Variants in MTF1 observed in about 807,000 individuals in gnomAD.
MTF1 encodes metal regulatory transcription factor 1.
MTF1 carries 22 observed loss-of-function variants against 70.4 expected under a neutral mutation model. That is an observed-to-expected ratio of 0.31 (90% confidence interval 0.22 to 0.45). MTF1 has a LOEUF of 0.45. MTF1 is among the 20% of genes least tolerant of loss of function. The pLI is 1.00. For missense variants in MTF1, 649 were observed against 922.0 expected (o/e 0.70, Z 3.83); for synonymous variants, 333 against 352.8 (o/e 0.94, Z 0.63).
At position 37,832,046 on chromosome 1, in the gene MTF1, G is replaced by A. The variant is rs78352806; in HGVS notation, c.1068+199C>T. 6.8e-4 allele frequency among the ~76,000 whole-genome samples: 103 copies of A among 152,272 alleles called. No individual in the cohort carries two copies. In the East Asian group the frequency reaches 0.013, roughly 20 times the overall value. ...CCAGGTTACCGAGTGAGTGACCTGC[G>A]TCAAAAGGAATCAGGCATCAGAGAG... On this transcript the variant is annotated intron_variant, in intron 7 of 10. Transcript: ENST00000373036.
In MTF1 at chr1:37,822,597, G is replaced by C. The variant is rs769733959; in HGVS notation, c.1291C>G (p.Pro431Ala). 6.2e-7 allele frequency: 1 copy of C among 1,614,016 alleles called. No individual in the cohort carries two copies. Among genetic ancestry groups the C allele is most frequent in the Admixed American group, 1.7e-5 (1 of 60,006 alleles). Reference protein sequence around the residue: ...LVLQPGLSEPPQPLLPASAPS... With the variant: ...LVLQPGLSEPAQPLLPASAPS... ...GCTGAGGCAGGTAGTAGAGGCTGGG[G>C]TGGCTCGGAGAGGCCAGGTTGCAGT... Residue 431 changes from proline (P) to alanine (A), a missense_variant, in exon 9 of 11, where the codon CCC becomes GCC. This residue lies in a region of MTF1 where 267 missense variants were observed against 292.1 expected (regional missense o/e 0.91). Transcript: ENST00000373036.
At chr1:37,842,917 G>A (rs1178793234) in intron 2 of MTF1, among the ~76,000 whole-genome samples, 1 of 152,176 alleles carries the variant, frequency 6.6e-6, no homozygotes, top group Non-Finnish European at 1.5e-5. Context: ...GCGGACTACT[G>A]GGGTCAGGGT....
rs575539539 is a variant in MTF1 at position 37,813,786 on chromosome 1, T to C, written c.*1350A>G. 2 of 152,692 alleles carry C rather than the reference T, an allele frequency of 1.3e-5. No homozygotes were observed. Among genetic ancestry groups the C allele is most frequent in the African/African-American group, 4.8e-5 (2 of 41,588 alleles). The allele number at this position is 152,692 out of a possible 1,614,324, so 9.5% of individuals were successfully genotyped here. ...AAACTTTTCATGCTAGTATGGATTG[T>C]ATCTTTTATTTTAAGAGGCAATGAC... On this transcript the variant is annotated 3_prime_UTR_variant, in exon 11 of 11. Transcript: ENST00000373036.
intron 6 of MTF1, 112 bp from the exon 7 acceptor site, chr1:37,832,434 T>TGG: frequency 1.5e-6 from 1 of 682,062 alleles, no homozygotes; most frequent in Non-Finnish European, 2.5e-6. Context: ...TGTCTACATG[T>TGG]ATTATCTGAA....
At chr1:37,850,414 G>A (rs946471471) in intron 2 of MTF1, among the ~76,000 whole-genome samples, 2 of 151,798 alleles carry the variant, frequency 1.3e-5, no homozygotes, top group African/African-American at 4.8e-5. Flanking sequence ...AGTGAGCTAC[G>A]ATCCCACCAC....
At chr1:37,853,996 T>A in intron 2 of MTF1, among the ~76,000 whole-genome samples, 1 of 152,272 alleles carries the variant, frequency 6.6e-6, no homozygotes, top group Middle Eastern at 3.4e-3. Context: ...TAAAATTTCA[T>A]AGGGAGATAT....
intron 6 of MTF1, 66 bp downstream of exon 6, chr1:37,835,013 T>C: frequency 3.9e-6 from 6 of 1,544,466 alleles, no homozygotes; most frequent in Middle Eastern, 1.7e-4. Flanking sequence ...TAACCTTTGA[T>C]TGTGATACAC....
At chr1:37,846,577 G>A (rs1424019768) in intron 2 of MTF1, among the ~76,000 whole-genome samples, 1 of 152,058 alleles carries the variant, frequency 6.6e-6, no homozygotes, top group Non-Finnish European at 1.5e-5. Context: ...AGCTTTCAGA[G>A]AATTGATGCT....
At chr1:37,846,655 G>A (rs950711095) in intron 2 of MTF1, among the ~76,000 whole-genome samples, 1 of 152,058 alleles carries the variant, frequency 6.6e-6, no homozygotes, top group Non-Finnish European at 1.5e-5. Context: ...GCCTTGTTAA[G>A]ATAACAGAAT....
Position 37,811,033 on chromosome 1 carries a change from G to C in MTF1, c.*4103C>G. ...ACAAATCAATGGTTTCAATCACTCT[G>C]GAAAAGTCTTTAAGGACAATGGATG... On this transcript the variant is annotated 3_prime_UTR_variant, in exon 11 of 11. Transcript: ENST00000373036. The C allele has an allele frequency of 6.6e-6, 1 of 152,594 alleles. No homozygotes were observed. Among genetic ancestry groups the C allele is most frequent in the East Asian group, 1.9e-4 (1 of 5,202 alleles). The allele number at this position is 152,594 out of a possible 1,614,324, so 9.5% of individuals were successfully genotyped here.
At chr1:37,829,156 T>C (rs768690630) in intron 7 of MTF1, among the ~76,000 whole-genome samples, 9 of 151,780 alleles carry the variant, frequency 5.9e-5, no homozygotes. Flanking sequence ...CTTGCTCTGT[T>C]GCCCAGGCTG....
chr1:37,829,049 G>A (rs1333716603), intron 7 of MTF1, among the ~76,000 whole-genome samples: 2 of 152,104 alleles, frequency 1.3e-5, no homozygotes, highest in Non-Finnish European at 2.9e-5. Context: ...TATGGCTGCT[G>A]AGAAACCCAT....
At chr1:37,820,197 T>G (rs1640889860) in intron 9 of MTF1, among the ~76,000 whole-genome samples, 1 of 152,262 alleles carries the variant, frequency 6.6e-6, no homozygotes, top group East Asian at 1.9e-4. Context: ...GGAATTTGAG[T>G]GTTCTCCCTG....
At chr1:37,842,777 A>C (rs1439595686) in intron 2 of MTF1, among the ~76,000 whole-genome samples, 2 of 152,160 alleles carry the variant, frequency 1.3e-5, no homozygotes, top group Non-Finnish European at 2.9e-5. Flanking sequence ...ACCAGAGCTA[A>C]AGGAAAAAGG....
At chr1:37,830,479 T>C (rs1393832668) in intron 7 of MTF1, among the ~76,000 whole-genome samples, 1 of 152,212 alleles carries the variant, frequency 6.6e-6, no homozygotes, top group Non-Finnish European at 1.5e-5. Flanking sequence ...TCCTTGAGCA[T>C]ATAATAGCTT....
At position 37,840,963 on chromosome 1, in the gene MTF1, G is replaced by A; in HGVS notation, c.409-805C>T. ...GGCTGAGGCCATGGAGCTCTCAGAG[G>A]CAAGGCTGAGAACAAGGAGTGGATG... is the stretch of plus-strand genomic sequence containing the variant. On this transcript the variant is annotated intron_variant, in intron 2 of 10. Coordinates refer to ENST00000373036, the MANE Select transcript of MTF1 (RefSeq NM_005955.3). The surrounding 1 kb of genome is among the most constrained non-coding windows in gnomAD (Gnocchi z 4.5). The A allele has an allele frequency of 9.1e-6, 2 of 219,848 alleles. No homozygotes were observed. Among genetic ancestry groups the A allele is most frequent in the Non-Finnish European group, 1.8e-5 (2 of 110,020 alleles). The allele number at this position is 219,848 out of a possible 1,614,324, so 13.6% of individuals were successfully genotyped here.
intron 2 of MTF1, among the ~76,000 whole-genome samples, chr1:37,842,633 C>T (rs1641272865): frequency 6.6e-6 from 1 of 152,108 alleles, no homozygotes; most frequent in Non-Finnish European, 1.5e-5. Flanking sequence ...CTCTCATCTC[C>T]CAAAGATCCT....
In MTF1 at chr1:37,815,091, C is replaced by G. The variant is rs199726984; in HGVS notation, c.*45G>C. 57 of 1,556,366 alleles carry G rather than the reference C, an allele frequency of 3.7e-5. No individual in the cohort carries two copies. In the Middle Eastern group the frequency reaches 7.6e-4, roughly 21 times the overall value. On this transcript the variant is annotated 3_prime_UTR_variant, in exon 11 of 11. Coordinates refer to ENST00000373036, the MANE Select transcript of MTF1 (RefSeq NM_005955.3). The surrounding 1 kb of genome is among the most constrained non-coding windows in gnomAD (Gnocchi z 4.5). ...TGATGGCAGGCATTGTACCTCATGC[C>G]TCCTGCTCACCCGCTTTTCCCAGAG...
At position 37,815,863 on chromosome 1, in the gene MTF1, AGG is replaced by A. The variant is rs1188345998; in HGVS notation, c.1832-299_1832-298del. On this transcript the variant is annotated intron_variant, in intron 10 of 10. Transcript: ENST00000373036. This position sits in a 1 kb window ranked among gnomAD's most constrained non-coding sequence, Gnocchi z 4.5. ...ATTCTCCATTGCACCCTCCCTGTGG[AGG>A]CCTACTTTTCCTGACACGTTCTTTA... 1.3e-5 allele frequency among the ~76,000 whole-genome samples: 2 copies of A among 152,044 alleles called. No individual in the cohort carries two copies. The highest frequency in any genetic ancestry group is 2.9e-5 in the Non-Finnish European group (2 of 68,008).
Sources: gnomAD v4.1 joint callset for allele counts (sites outside exome capture counted in the v4.1 genomes callset) on GRCh38, gnomAD v4.1.1 for gene constraint, gnomAD v4.1.1 regional missense constraint, Gnocchi (gnomAD v3.1) non-coding constraint, MANE v1.5 for transcripts, NCBI Gene and HGNC (gene_info 2026-07-23, HGNC 2026-07-21) for gene names.